FAT2: variants seen among roughly 807,000 people sequenced by gnomAD.
FAT2 encodes FAT atypical cadherin 2, also known as protocadherin Fat 2.
In FAT2, 150 loss-of-function variants were observed where a neutral mutation model predicts 295.3. The ratio of observed to expected loss-of-function variants is 0.51; its 90% confidence interval spans 0.44 to 0.58. FAT2 has a LOEUF of 0.58. FAT2 is among the 20% of genes least tolerant of loss of function. FAT2 has a pLI of 0.00. For missense variants in FAT2, 4,868 were observed against 5,442.7 expected (o/e 0.89, Z 3.32); for synonymous variants, 2,026 against 2,150.3 (o/e 0.94, Z 1.60).
intron 1 of FAT2, among the ~76,000 whole-genome samples, chr5:151,575,371 T>C (rs2127655880): frequency 6.6e-6 from 1 of 152,310 alleles, no homozygotes; most frequent in Middle Eastern, 3.4e-3. Context: ...GAATTAAAAG[T>C]TAAGAAAGCG....
At position 151,568,428 on chromosome 5, in the gene FAT2, G is replaced by A; in HGVS notation, c.504C>T (p.Cys168=). The change falls in exon 2 of 24, where the codon TGC becomes TGT. Residue 168 remains cysteine (C), a synonymous_variant. Coordinates refer to ENST00000261800, the MANE Select transcript of FAT2 (RefSeq NM_001447.3). The part of the protein sequence containing the change: ...SEDMPLKSPI[C]KVTATDADLG... ...GATCAGCATCTGTGGCAGTCACCTT[G>A]CAGATGGGGCTCTTCAGGGGCATGT... The A allele has an allele frequency of 6.2e-7, 1 of 1,614,204 alleles. No individual in the cohort carries two copies. The highest frequency in any genetic ancestry group is 8.5e-7 in the Non-Finnish European group (1 of 1,180,040).
intron 8 of FAT2, 111 bp downstream of exon 8, chr5:151,550,479 C>G: frequency 2.4e-6 from 3 of 1,232,182 alleles, no homozygotes; most frequent in Non-Finnish European, 3.4e-6. Flanking sequence ...AACTCTGTCT[C>G]GTGCATGGTC....
At chr5:151,585,536 C>T (rs1360027685) in intron 1 of FAT2, among the ~76,000 whole-genome samples, 3 of 152,182 alleles carry the variant, frequency 2.0e-5, no homozygotes, top group Non-Finnish European at 4.4e-5. Context: ...CACTTGAATC[C>T]GGGAAGTGGA....
intron 1 of FAT2, among the ~76,000 whole-genome samples, chr5:151,582,600 G>A (rs1194699919): frequency 2.0e-5 from 3 of 152,170 alleles, no homozygotes; most frequent in Admixed American, 6.5e-5. Context: ...TCTTTCTTTA[G>A]GATCATACTC....
Position 151,566,997 on chromosome 5 carries a change from G to T in FAT2, c.1935C>A (p.Gly645=). ...SYSLKITASD[G]KNYASPTTLN... ...AAGTTGTGGGTGAGGCATAGTTTTT[G>T]CCATCTGAGGCTGTAATCTTCAGGG... The change falls in exon 2 of 24, where the codon GGC becomes GGA. Residue 645 remains glycine (G), a synonymous_variant. Coordinates refer to ENST00000261800, the MANE Select transcript of FAT2 (RefSeq NM_001447.3). The T allele has an allele frequency of 6.2e-7, 1 of 1,614,114 alleles. No individual in the cohort carries two copies. Among genetic ancestry groups the T allele is most frequent in the Non-Finnish European group, 8.5e-7 (1 of 1,180,004 alleles).
Position 151,566,795 on chromosome 5 carries a change from G to T in FAT2, c.2137C>A (p.Gln713Lys), listed in dbSNP as rs1364134853. ...STYQINHYTP[Q>K]FEDHFPQSID... Reference sequence around the variant, plus strand: ...GATTGGGGGAAGTGGTCCTCAAACTGTGGGGTGTAATGATTAATCTGATAT... The same window carrying T: ...GATTGGGGGAAGTGGTCCTCAAACTTTGGGGTGTAATGATTAATCTGATAT... Residue 713 changes from glutamine to lysine, a missense_variant, in exon 2 of 24, where the codon CAG becomes AAG. Around this residue, in one of 5 missense-constraint regions of FAT2, gnomAD observed 3,297 missense variants for 3,669.4 expected, o/e 0.90. Transcript: ENST00000261800. 1.9e-6 allele frequency: 3 copies of T among 1,614,228 alleles called. No homozygotes were observed. The Admixed American group carries it at 5.0e-5, about 27-fold the overall frequency.
Position 151,544,530 on chromosome 5 carries a change from C to G in FAT2, c.6597G>C (p.Glu2199Asp). 1 of 1,613,712 alleles carries G rather than the reference C, an allele frequency of 6.2e-7. No individual in the cohort carries two copies. Among genetic ancestry groups the G allele is most frequent in the Non-Finnish European group, 8.5e-7 (1 of 1,179,718 alleles). The change falls in exon 10 of 24, where the codon GAG (glutamate) becomes GAC (aspartate). Residue 2199 changes from glutamate (E) to aspartate (D), a missense_variant. Physicochemically the swap from Glu to Asp is conservative, Grantham distance 45. Around this residue, in one of 5 missense-constraint regions of FAT2, gnomAD observed 3,297 missense variants for 3,669.4 expected, o/e 0.90. Coordinates refer to ENST00000261800, the MANE Select transcript of FAT2 (RefSeq NM_001447.3). The part of the protein sequence containing the change: ...PILHTQARSP[E>D]GLRLIYNIVE... ...CAATGTTGTAGATGAGCCGGAGTCC[C>G]TCTGGACTCCGGGCCTGGGTGTGGA... is the stretch of plus-strand genomic sequence containing the variant.
Position 151,505,851 on chromosome 5 carries a change from C to T in FAT2, c.12764G>A (p.Arg4255Gln), listed in dbSNP as rs200172237. The T allele has an allele frequency of 3.3e-4, 535 of 1,610,802 alleles. No individual in the cohort carries two copies. The highest frequency in any genetic ancestry group is 5.0e-4 in the Middle Eastern group (3 of 6,046). Residue 4255 changes from arginine (R) to glutamine (Q), a missense_variant, in exon 24 of 24, where the codon CGG becomes CAG. Around this residue, in one of 5 missense-constraint regions of FAT2, gnomAD observed 492 missense variants for 482.6 expected, o/e 1.02. Coordinates refer to ENST00000261800, the MANE Select transcript of FAT2 (RefSeq NM_001447.3). The part of the protein sequence containing the change: ...NQNLEDLMPS[R>Q]PPSPRERLVA... ...CAGGCGCTCCCGGGGACTAGGGGGC[C>T]GAGAGGGCATCAGATCTTCCAGGTT...
chr5:151,512,640 C>A lies in FAT2; in HGVS notation c.11464-34G>T, dbSNP rs779865392. The A allele has an allele frequency of 1.3e-6, 2 of 1,541,198 alleles. No individual in the cohort carries two copies. The highest frequency in any genetic ancestry group is 1.8e-6 in the Non-Finnish European group (2 of 1,138,648). On this transcript the variant is annotated intron_variant, in intron 20 of 23. Transcript: ENST00000261800. This position sits in a 1 kb window ranked among gnomAD's most constrained non-coding sequence, Gnocchi z 4.1. ...GAAATCCAAACAGCCATCAGCAAAG[C>A]CAAGGAGTCCTTGTAAACCTGCTAA...
intron 22 of FAT2, 40 bp from the exon 23 acceptor site, chr5:151,507,651 TG>T: frequency 6.5e-7 from 1 of 1,537,864 alleles, no homozygotes; most frequent in Non-Finnish European, 8.8e-7. Context: ...GTCATGAAAT[TG>T]CCCTTTCCAT....
chr5:151,577,752 T>A (rs768527809), intron 1 of FAT2, among the ~76,000 whole-genome samples: 1 of 152,132 alleles, frequency 6.6e-6, no homozygotes, highest in South Asian at 2.1e-4. Flanking sequence ...AGTTTGCAGA[T>A]CCTGATACGC....
At position 151,569,091 on chromosome 5, in the gene FAT2, G is replaced by A; in HGVS notation, c.-20-140C>T. ...GATACTTTTGGCTGACCCAGCTTGGGAGTGGTGGTGCTAATGGCATCTGGC... is the reference window on the plus strand; with the variant it reads ...GATACTTTTGGCTGACCCAGCTTGGAAGTGGTGGTGCTAATGGCATCTGGC... On this transcript the variant is annotated intron_variant, in intron 1 of 23. Transcript: ENST00000261800. The A allele has an allele frequency of 6.3e-6, 5 of 798,404 alleles. No homozygotes were observed. The South Asian group carries it at 9.3e-5, about 15-fold the overall frequency. The allele number at this position is 798,404 out of a possible 1,614,324, so 49.5% of individuals were successfully genotyped here. A position where few individuals can be genotyped will look rare whatever the true frequency, so the allele number is the denominator to read the frequency against.
chr5:151,567,601 AC>A lies in FAT2; in HGVS notation c.1330del (p.Val444TrpfsTer37). 1.2e-6 allele frequency: 2 copies of A among 1,614,138 alleles called. No individual in the cohort carries two copies. Among genetic ancestry groups the A allele is most frequent in the Non-Finnish European group, 1.7e-6 (2 of 1,180,016 alleles). On this transcript the variant is annotated frameshift_variant, in exon 2 of 24. Transcript: ENST00000261800. LOFTEE classifies it high-confidence loss of function. The stretch of plus-strand genomic sequence containing the variant: ...GTTGCAGTCCACAATGTCAATGACC[AC>A]CACGGTGGAGGCCTGGCCCGGTGAG... Reference protein sequence around the residue: ...RTSPGQASTVVVIDIVDCNNH... With the variant: ...RTSPGQASTVXVIDIVDCNNH...
Position 151,528,073 on chromosome 5 carries a change from C to T in FAT2, c.10087G>A (p.Gly3363Arg). Residue 3363 changes from glycine (G) to arginine (R), a missense_variant, in exon 16 of 24, where the codon GGG becomes AGG. Around this residue, in one of 5 missense-constraint regions of FAT2, gnomAD observed 1,046 missense variants for 1,210.1 expected, o/e 0.86. Transcript: ENST00000261800. ...ATGGTGAAGTGCCCAAGCTGGTTCC[C>T]TCCTATGAGGCTATAGGTAATGTCA... ...NSDITYSLIG[G>R]NQLGHFTIHP... 1 of 1,614,264 alleles carries T rather than the reference C, an allele frequency of 6.2e-7. No homozygotes were observed. The highest frequency in any genetic ancestry group is 8.5e-7 in the Non-Finnish European group (1 of 1,180,042).
At chr5:151,587,404 C>G (rs1166772994) in intron 1 of FAT2, among the ~76,000 whole-genome samples, 1 of 152,094 alleles carries the variant, frequency 6.6e-6, no homozygotes, top group Non-Finnish European at 1.5e-5. Flanking sequence ...CAGGTGTTCC[C>G]CACCCAATTT....
At chr5:151,528,494 C>A (rs1030110792) in intron 15 of FAT2, among the ~76,000 whole-genome samples, 4 of 152,124 alleles carry the variant, frequency 2.6e-5, no homozygotes, top group African/African-American at 9.7e-5. Context: ...ATATATTACA[C>A]TGGGGAGATT....
chr5:151,557,349 G>T (rs185163403), intron 3 of FAT2, among the ~76,000 whole-genome samples: 1 of 152,090 alleles, frequency 6.6e-6, no homozygotes, highest in Non-Finnish European at 1.5e-5. Flanking sequence ...AGGCTGACCC[G>T]CCTGGGGAGA....
intron 3 of FAT2, among the ~76,000 whole-genome samples, chr5:151,562,869 C>T (rs967070860): frequency 6.6e-6 from 1 of 152,122 alleles, no homozygotes; most frequent in African/African-American, 2.4e-5. Flanking sequence ...TAAGTGGATT[C>T]ACATTGCCAG....
intron 23 of FAT2, among the ~76,000 whole-genome samples, chr5:151,506,385 C>T (rs1741943534): frequency 6.6e-6 from 1 of 152,202 alleles, no homozygotes; most frequent in African/African-American, 2.4e-5. Context: ...CAACCCACCC[C>T]CACAGCTGGA....
Sources: gnomAD v4.1 joint callset for allele counts (sites outside exome capture counted in the v4.1 genomes callset) on GRCh38, gnomAD v4.1.1 for gene constraint, gnomAD v4.1.1 regional missense constraint, Gnocchi (gnomAD v3.1) non-coding constraint, MANE v1.5 for transcripts, NCBI Gene and HGNC (gene_info 2026-07-23, HGNC 2026-07-21) for gene names.